Variants in TMEM132C observed in about 807,000 individuals in gnomAD.
TMEM132C encodes transmembrane protein 132C.
In TMEM132C, 29 loss-of-function variants were observed where a neutral mutation model predicts 61.4. That is an observed-to-expected ratio of 0.47 (90% CI 0.35 to 0.64). The LOEUF (loss-of-function observed/expected upper bound fraction) is 0.64, where lower values mean the gene tolerates loss of function less well. Among genes scored for constraint, TMEM132C ranks in the 30% least tolerant of loss-of-function variants. TMEM132C has a pLI of 0.00. For synonymous variants in TMEM132C, 656 were observed against 633.1 expected (o/e 1.04, Z -0.54); for missense variants, 1,408 against 1,476.9 (o/e 0.95, Z 0.76).
At chr12:128,651,710 G>A (rs147831059) in intron 4 of TMEM132C, among the ~76,000 whole-genome samples, 2 of 152,252 alleles carry the variant, frequency 1.3e-5, no homozygotes, top group African/African-American at 4.8e-5. Flanking sequence ...AGCAGGGAAT[G>A]GGAATGGGGG....
intron 1 of TMEM132C, among the ~76,000 whole-genome samples, chr12:128,349,918 TAC>T (rs56323654): frequency 0.83 from 124,395 of 149,584 alleles, 53,078 homozygotes; most frequent in East Asian, 0.98. Context: ...ACACGTACCG[TAC>T]ACACACACAC....
intron 4 of TMEM132C, among the ~76,000 whole-genome samples, chr12:128,665,832 C>CAT (rs148076291): frequency 0.27 from 32,335 of 119,404 alleles, 5,193 homozygotes; most frequent in African/African-American, 0.38. Context: ...CACAGGCACT[C>CAT]ACACAAACAC....
At chr12:128,536,479 A>G (rs1251524097) in intron 2 of TMEM132C, among the ~76,000 whole-genome samples, 1 of 152,082 alleles carries the variant, frequency 6.6e-6, no homozygotes, top group African/African-American at 2.4e-5. Flanking sequence ...AACATGGCAC[A>G]TGTATCAAAC....
At chr12:128,289,795 A>G (rs11059625) in intron 1 of TMEM132C, among the ~76,000 whole-genome samples, 38,354 of 152,214 alleles carry the variant, frequency 0.25, 5,933 homozygotes, top group Admixed American at 0.35. Flanking sequence ...GCCCTAAGCA[A>G]TCATTTCCAT....
chr12:128,528,965 A>C (rs761979862), intron 2 of TMEM132C, among the ~76,000 whole-genome samples: 12 of 152,168 alleles, frequency 7.9e-5, no homozygotes, highest in Non-Finnish European at 1.3e-4. Context: ...CCAAGGCTAA[A>C]AATTCACTTT....
chr12:128,274,230 A>G (rs759094564), intron 1 of TMEM132C, among the ~76,000 whole-genome samples: 2 of 152,216 alleles, frequency 1.3e-5, no homozygotes, highest in African/African-American at 4.8e-5. Flanking sequence ...TGTTCTTAAT[A>G]ATGTGTTAGG....
chr12:128,332,165 T>C (rs757887296), intron 1 of TMEM132C, among the ~76,000 whole-genome samples: 29 of 152,222 alleles, frequency 1.9e-4, no homozygotes, highest in Non-Finnish European at 2.8e-4. Context: ...CTTCAAGTAG[T>C]GTTTGCACAT....
chr12:128,392,817 T>C (rs1289353372), intron 1 of TMEM132C, among the ~76,000 whole-genome samples: 3 of 151,244 alleles, frequency 2.0e-5, no homozygotes, highest in Non-Finnish European at 4.4e-5. Flanking sequence ...CAAAAACATG[T>C]CTTAATGTTT....
At chr12:128,385,171 A>G (rs1006838994) in intron 1 of TMEM132C, among the ~76,000 whole-genome samples, 4 of 151,868 alleles carry the variant, frequency 2.6e-5, no homozygotes, top group African/African-American at 9.7e-5. Flanking sequence ...CCCTCTTCCC[A>G]TCTGTGGAAT....
chr12:128,600,806 G>A (rs1876157493), intron 3 of TMEM132C, among the ~76,000 whole-genome samples: 1 of 152,224 alleles, frequency 6.6e-6, no homozygotes, highest in South Asian at 2.1e-4. Context: ...GGTGCCTGGT[G>A]AATGCTTGAT....
chr12:128,460,838 G>T (rs1870508074), intron 2 of TMEM132C, among the ~76,000 whole-genome samples: 1 of 152,042 alleles, frequency 6.6e-6, no homozygotes, highest in Non-Finnish European at 1.5e-5. Flanking sequence ...GCTTTTCCCA[G>T]CTCAGCAGCT....
chr12:128,271,728 T>A (rs1204009070), intron 1 of TMEM132C, among the ~76,000 whole-genome samples: 1 of 152,226 alleles, frequency 6.6e-6, no homozygotes, highest in African/African-American at 2.4e-5. Context: ...TGCTTCAACC[T>A]CTTCTTCGTT....
rs554652054 is a variant in TMEM132C at position 128,456,366 on chromosome 12, C to CTTTTTTTTTTTTTTTT, written c.974+40790_974+40805dup. ...ACCTTAATTCTATGGTCTGATTAGC[C>CTTTTTTTTTTTTTTTT]TTTTTTTTTTTTTTTTTTTTTTTTT... On this transcript the variant is annotated intron_variant, in intron 2 of 8. Transcript: ENST00000435159. Among the ~76,000 whole-genome samples the CTTTTTTTTTTTTTTTT allele has an allele frequency of 5.7e-5, 3 of 52,498 alleles. 1 individual carries two copies. Among genetic ancestry groups the CTTTTTTTTTTTTTTTT allele is most frequent in the Non-Finnish European group, 1.2e-4 (3 of 25,140 alleles). 34.4% of individuals were successfully genotyped at this position (52,498 alleles called of 152,430 possible).
intron 2 of TMEM132C, among the ~76,000 whole-genome samples, chr12:128,512,576 T>C (rs1872600157): frequency 6.6e-6 from 1 of 152,196 alleles, no homozygotes; most frequent in Non-Finnish European, 1.5e-5. Context: ...TTTGAAGTAA[T>C]GCTTCAACAG....
Position 128,527,707 on chromosome 12 carries a change from A to ATGTGTGTGTG in TMEM132C, c.975-16232_975-16223dup, listed in dbSNP as rs5801799. Among the ~76,000 whole-genome samples, 246 of 147,190 alleles carry ATGTGTGTGTG rather than the reference A, an allele frequency of 1.7e-3. 1 individual carries two copies. The highest frequency in any genetic ancestry group is 7.0e-3 in the Middle Eastern group (2 of 286). The stretch of plus-strand genomic sequence containing the variant: ...CGTGCATGTACGTGAATGTGCATGT[A>ATGTGTGTGTG]TGTGTGTGTGTGTGTGTGTGTGTGT... On this transcript the variant is annotated intron_variant, in intron 2 of 8. Transcript: ENST00000435159.
At chr12:128,565,771 A>G (rs78132023) in intron 3 of TMEM132C, among the ~76,000 whole-genome samples, 3,222 of 152,160 alleles carry the variant, frequency 0.021, 114 homozygotes, top group African/African-American at 0.074. Context: ...CAAGAAATTC[A>G]CCATCTATTT....
chr12:128,695,799 G>A, intron 6 of TMEM132C, 31 bp from the exon 7 acceptor site: 1 of 1,512,990 alleles, frequency 6.6e-7, no homozygotes, highest in South Asian at 1.3e-5. Flanking sequence ...CCTCTCCCTG[G>A]ATCTGAGAGC....
intron 1 of TMEM132C, among the ~76,000 whole-genome samples, chr12:128,301,277 G>A (rs184913020): frequency 6.6e-6 from 1 of 152,260 alleles, no homozygotes; most frequent in African/African-American, 2.4e-5. Context: ...GCAAGTTATT[G>A]TTGCCTCATC....
In TMEM132C at chr12:128,616,188, C is replaced by A. The variant is rs540755789; in HGVS notation, c.1158C>A (p.Asn386Lys). 6 of 1,551,632 alleles carry A rather than the reference C, an allele frequency of 3.9e-6. No homozygotes were observed. In the Admixed American group the frequency reaches 9.8e-5, roughly 25 times the overall value. Residue 386 changes from asparagine to lysine, a missense_variant, in exon 4 of 9, where the codon AAC (asparagine) becomes AAA (lysine). Asn to Lys is a moderately conservative substitution (Grantham distance 94). Coordinates refer to ENST00000435159, the MANE Select transcript of TMEM132C (RefSeq NM_001136103.3). Reference protein sequence around the residue: ...SSLFNEVVQMNFEIASFSSLS... With the variant: ...SSLFNEVVQMKFEIASFSSLS... Reference sequence around the variant, plus strand: ...TATTCAATGAGGTTGTGCAGATGAACTTTGAAATAGCCAGTTTCAGCAGCC... The same window carrying A: ...TATTCAATGAGGTTGTGCAGATGAAATTTGAAATAGCCAGTTTCAGCAGCC...
Sources: allele counts gnomAD v4.1 joint callset (sites outside exome capture counted in the v4.1 genomes callset), GRCh38; gene constraint gnomAD v4.1.1; transcripts MANE v1.5; gene names NCBI Gene and HGNC (gene_info 2026-07-23, HGNC 2026-07-21).